Variants in ELAPOR1 observed in about 807,000 individuals in gnomAD.
The protein encoded by ELAPOR1 is endosome-lysosome associated apoptosis and autophagy regulator 1.
A neutral mutation model predicts 119.7 loss-of-function variants in ELAPOR1; 77 were observed. The ratio of observed to expected loss-of-function variants is 0.64; its 90% CI spans 0.54 to 0.78. The LOEUF (loss-of-function observed/expected upper bound fraction) is 0.78, where lower values mean the gene tolerates loss of function less well. Ranked by LOEUF, ELAPOR1 falls within the 30% of genes least tolerant of loss-of-function variation. ELAPOR1 has a pLI of 0.00. For missense variants in ELAPOR1, 1,115 were observed against 1,270.4 expected (o/e 0.88, Z 1.86); for synonymous variants, 481 against 487.2 (o/e 0.99, Z 0.17).
At chr1:109,135,551 T>A (rs1649418874) in intron 1 of ELAPOR1, among the ~76,000 whole-genome samples, 1 of 152,078 alleles carries the variant, frequency 6.6e-6, no homozygotes, top group Non-Finnish European at 1.5e-5. Context: ...CTCCAAGAAT[T>A]CAAATTTCTA....
chr1:109,194,392 C>G (rs1184237042), intron 14 of ELAPOR1, 29 bp from the exon 15 acceptor site: 2 of 1,603,914 alleles, frequency 1.2e-6, no homozygotes, highest in African/African-American at 1.3e-5. Context: ...TCCTGACCAG[C>G]TGGCCCGACC....
rs1441894084 is a variant in ELAPOR1, at chr1:109,189,636, T to G, written c.1393T>G (p.Ser465Ala). ...GDHIYTAAGA[S>A]DNDFMILTLV... ...TCACATTTACACAGCTGCTGGAGCC[T>G]CAGACAATGACTTCATGATTCTCAC... is the stretch of plus-strand genomic sequence containing the variant. Residue 465 changes from serine to alanine, a missense_variant, in exon 11 of 22, where the codon TCA (serine) becomes GCA (alanine). Transcript: ENST00000369939. 1 of 1,614,048 alleles carries G rather than the reference T, an allele frequency of 6.2e-7. No individual in the cohort carries two copies. Among genetic ancestry groups the G allele is most frequent in the Non-Finnish European group, 8.5e-7 (1 of 1,180,022 alleles).
intron 7 of ELAPOR1, among the ~76,000 whole-genome samples, chr1:109,176,106 A>C (rs1015941826): frequency 6.6e-6 from 1 of 152,146 alleles, no homozygotes; most frequent in African/African-American, 2.4e-5. Context: ...AGGGAAAGTA[A>C]GGGGACAGCA....
chr1:109,137,180 T>G (rs1205102810), intron 1 of ELAPOR1, among the ~76,000 whole-genome samples: 1 of 152,102 alleles, frequency 6.6e-6, no homozygotes, highest in Non-Finnish European at 1.5e-5. Context: ...AAAGGCAAGG[T>G]GATAATTTTT....
intron 1 of ELAPOR1, among the ~76,000 whole-genome samples, chr1:109,144,062 T>TATATATATATATATA (rs1296463049): frequency 3.0e-4 from 11 of 36,526 alleles, no homozygotes; most frequent in South Asian, 1.4e-3. Flanking sequence ...TATTTATATA[T>TATATATATATATATA]TTTTTTTTTT....
intron 1 of ELAPOR1, among the ~76,000 whole-genome samples, chr1:109,144,061 A>ATATATTTTT: frequency 1.8e-4 from 16 of 88,982 alleles, no homozygotes; most frequent in South Asian, 3.5e-4. Context: ...ATATTTATAT[A>ATATATTTTT]TTTTTTTTTT....
chr1:109,164,659 C>T lies in ELAPOR1; in HGVS notation c.435C>T (p.Asp145=), dbSNP rs780943794. 6.2e-7 allele frequency: 1 copy of T among 1,614,184 alleles called. No individual in the cohort carries two copies. Among genetic ancestry groups the T allele is most frequent in the East Asian group, 2.2e-5 (1 of 44,890 alleles). ...TCTCAGCCAACATGGAGCTGGATGA[C>T]AGTGCTGCTGAGTCCACCGGGAACT... ...ASLSANMELD[D]SAAESTGNCT... is the part of the protein sequence containing the mutation. Residue 145 remains aspartate, a synonymous_variant, in exon 3 of 22, where the codon GAC becomes GAT. Coordinates refer to ENST00000369939, the MANE Select transcript of ELAPOR1 (RefSeq NM_020775.5).
At chr1:109,129,935 A>G (rs1649043327) in intron 1 of ELAPOR1, among the ~76,000 whole-genome samples, 3 of 152,192 alleles carry the variant, frequency 2.0e-5, no homozygotes, top group Admixed American at 2.0e-4. Flanking sequence ...GTCTAAAACC[A>G]AAGTGCCAGC....
At chr1:109,170,731 C>T (rs1651871299) in intron 3 of ELAPOR1, among the ~76,000 whole-genome samples, 2 of 152,198 alleles carry the variant, frequency 1.3e-5, no homozygotes, top group Non-Finnish European at 2.9e-5. Flanking sequence ...GACGTCTATT[C>T]TGGAGGATCT....
At chr1:109,146,050 A>G (rs1414532560) in intron 1 of ELAPOR1, among the ~76,000 whole-genome samples, 3 of 152,146 alleles carry the variant, frequency 2.0e-5, no homozygotes, top group Admixed American at 6.5e-5. Flanking sequence ...AGTGGCTCAC[A>G]TCTATAATCC....
intron 1 of ELAPOR1, among the ~76,000 whole-genome samples, chr1:109,134,830 C>A (rs1229025646): frequency 2.0e-5 from 3 of 152,110 alleles, no homozygotes; most frequent in Non-Finnish European, 4.4e-5. Context: ...CTCATCAGGG[C>A]TGCCCATAGG....
intron 1 of ELAPOR1, among the ~76,000 whole-genome samples, chr1:109,141,526 G>C (rs764164089): frequency 1.3e-5 from 2 of 152,090 alleles, no homozygotes; most frequent in African/African-American, 2.4e-5. Context: ...CTCCCAAAGT[G>C]CTGGGATTAC....
At chr1:109,158,503 A>C (rs559468898) in intron 1 of ELAPOR1, among the ~76,000 whole-genome samples, 1 of 152,126 alleles carries the variant, frequency 6.6e-6, no homozygotes, top group Non-Finnish European at 1.5e-5. Context: ...CAGGAGTATT[A>C]CATGGCTGGG....
intron 1 of ELAPOR1, among the ~76,000 whole-genome samples, chr1:109,127,462 C>T (rs1272285217): frequency 1.3e-5 from 2 of 152,094 alleles, no homozygotes; most frequent in African/African-American, 4.8e-5. Flanking sequence ...AGTCCACCTG[C>T]CTTGGCCTCC....
chr1:109,174,069 G>A (rs905734377), intron 7 of ELAPOR1, among the ~76,000 whole-genome samples: 6 of 148,264 alleles, frequency 4.0e-5, no homozygotes, highest in South Asian at 4.3e-4. Flanking sequence ...CTGAAGTGCC[G>A]TGGTGCGATC....
At chr1:109,167,952 C>T (rs1375333010) in intron 3 of ELAPOR1, among the ~76,000 whole-genome samples, 1 of 152,164 alleles carries the variant, frequency 6.6e-6, no homozygotes, top group African/African-American at 2.4e-5. Context: ...GCTCAAAACC[C>T]TAGATTCAAT....
At chr1:109,200,390 G>A (rs999128405) in intron 20 of ELAPOR1, among the ~76,000 whole-genome samples, 153 bp downstream of exon 20, 7 of 152,144 alleles carry the variant, frequency 4.6e-5, no homozygotes, top group African/African-American at 7.2e-5. Flanking sequence ...CCTGACTCCT[G>A]AACAGGGATG....
intron 7 of ELAPOR1, among the ~76,000 whole-genome samples, chr1:109,184,339 C>A (rs1337405406): frequency 6.6e-6 from 1 of 152,082 alleles, no homozygotes; most frequent in Admixed American, 6.5e-5. Flanking sequence ...CCACTGCACT[C>A]CAGCCTGGGC....
At position 109,200,043 on chromosome 1, in the gene ELAPOR1, T is replaced by G. The variant is rs1028767739; in HGVS notation, c.2629-16T>G. On this transcript the variant is annotated splice_polypyrimidine_tract_variant and intron_variant, in intron 19 of 21. Transcript: ENST00000369939. ...GGGAATGGGAGATCTGAGTTCCTTG[T>G]TTTTCTCCCCAACAGAAGACTACTT... is the stretch of plus-strand genomic sequence containing the variant. 3.1e-6 allele frequency: 5 copies of G among 1,612,972 alleles called. No homozygotes were observed. The African/African-American group carries it at 5.3e-5, about 17-fold the overall frequency.
Sources: gnomAD v4.1 joint callset for allele counts (sites outside exome capture counted in the v4.1 genomes callset) on GRCh38, gnomAD v4.1.1 for gene constraint, MANE v1.5 for transcripts, NCBI Gene and HGNC (gene_info 2026-07-23, HGNC 2026-07-21) for gene names.